GSTA3: variants seen among roughly 807,000 people sequenced by gnomAD.
GSTA3 encodes glutathione S-transferase alpha 3, also known as glutathione S-transferase A3.
A neutral mutation model predicts 23.1 loss-of-function variants in GSTA3; 16 were observed. The observed-to-expected ratio is 0.69, with a 90% CI of 0.47 to 1.05. GSTA3 has a LOEUF of 1.05. GSTA3 is among the 50% of genes least tolerant of loss of function. The pLI is 0.00. For synonymous variants in GSTA3, 122 were observed against 91.0 expected, an observed-to-expected ratio of 1.34 and a Z score of -1.94; for missense variants, 319 against 263.6, an observed-to-expected ratio of 1.21 and a Z score of -1.46.
At chr6:52,903,555 C>G in intron 3 of GSTA3, 121 bp downstream of exon 3, 1 of 543,240 alleles carries the variant, frequency 1.8e-6, no homozygotes, top group Admixed American at 2.9e-5. Flanking sequence ...CGAGATCATG[C>G]CACTGCACTC....
chr6:52,906,181 T>C (rs1208513226), intron 1 of GSTA3, among the ~76,000 whole-genome samples: 1 of 152,270 alleles, frequency 6.6e-6, no homozygotes, highest in East Asian at 1.9e-4. Context: ...CTATATGTTC[T>C]ATTGATATAT....
chr6:52,908,204 A>G (rs934393054), intron 1 of GSTA3, among the ~76,000 whole-genome samples: 1 of 148,678 alleles, frequency 6.7e-6, no homozygotes, highest in Non-Finnish European at 1.5e-5. Context: ...ACTGTTTTAG[A>G]CTACAGTAGC....
intron 1 of GSTA3, among the ~76,000 whole-genome samples, chr6:52,907,741 G>T (rs927713545): frequency 3.2e-4 from 47 of 148,500 alleles, no homozygotes; most frequent in African/African-American, 4.7e-4. Context: ...ACCAAACACC[G>T]CATGTTCTCA....
intron 5 of GSTA3, 92 bp from the exon 6 acceptor site, chr6:52,898,048 C>A: frequency 2.1e-6 from 3 of 1,399,728 alleles, no homozygotes; most frequent in South Asian, 2.4e-5. Flanking sequence ...GACATTCCCA[C>A]CTGTGTTGCC....
In GSTA3 at chr6:52,899,920, A is replaced by C. The variant is rs768615895; in HGVS notation, c.414+14T>G. 6.2e-7 allele frequency: 1 copy of C among 1,613,914 alleles called. No homozygotes were observed. Among genetic ancestry groups the C allele is most frequent in the Non-Finnish European group, 8.5e-7 (1 of 1,179,856 alleles). On this transcript the variant is annotated intron_variant, in intron 5 of 6. Coordinates refer to ENST00000211122, the MANE Select transcript of GSTA3 (RefSeq NM_000847.5). ...TAAACTCAGTGCCCCAAAATGCTGAACAGCTTCACCTACTTTTTCGAAGGC... is the reference window on the plus strand; with the variant it reads ...TAAACTCAGTGCCCCAAAATGCTGACCAGCTTCACCTACTTTTTCGAAGGC...
chr6:52,897,244 C>G (rs768659867), intron 6 of GSTA3, among the ~76,000 whole-genome samples: 2 of 152,218 alleles, frequency 1.3e-5, no homozygotes, highest in Non-Finnish European at 2.9e-5. Flanking sequence ...GATATCAACA[C>G]AGGTCAGTCT....
At chr6:52,903,624 T>C in intron 3 of GSTA3, 52 bp downstream of exon 3, 1 of 929,348 alleles carries the variant, frequency 1.1e-6, no homozygotes, top group Non-Finnish European at 1.7e-6. Context: ...TCTTCAGCGG[T>C]ACCTTCTCTA....
intron 4 of GSTA3, among the ~76,000 whole-genome samples, chr6:52,901,298 T>C (rs1765676516): frequency 6.6e-6 from 1 of 152,204 alleles, no homozygotes; most frequent in Non-Finnish European, 1.5e-5. Context: ...CCAAACCTTT[T>C]AGCTTCAGGC....
At chr6:52,901,564 A>G (rs1270805904) in intron 4 of GSTA3, among the ~76,000 whole-genome samples, 1 of 152,222 alleles carries the variant, frequency 6.6e-6, no homozygotes, top group Non-Finnish European at 1.5e-5. Context: ...TTTGAATACC[A>G]TGAAAATTGC....
chr6:52,897,762 A>G, intron 6 of GSTA3, 63 bp downstream of exon 6: 2 of 1,590,084 alleles, frequency 1.3e-6, no homozygotes, highest in Non-Finnish European at 1.7e-6. Flanking sequence ...CCAAGGGCCC[A>G]GATACTAGAT....
chr6:52,900,031 A>T lies in GSTA3; in HGVS notation c.317T>A (p.Ile106Asn). 6.2e-7 allele frequency: 1 copy of T among 1,613,100 alleles called. No homozygotes were observed. The highest frequency in any genetic ancestry group is 8.5e-7 in the Non-Finnish European group (1 of 1,179,130). Residue 106 changes from isoleucine (I) to asparagine (N), a missense_variant, in exon 5 of 7, where the codon ATC (isoleucine) becomes AAC (asparagine). Transcript: ENST00000211122. ...TEGMADLNEM[I>N]LLLPLCRPEE... ...AGGTCGACATAAGGGCAGAAGAAGG[A>T]TCATTTCATTCAAATCTGCCATACC... is the stretch of plus-strand genomic sequence containing the variant.
intron 5 of GSTA3, among the ~76,000 whole-genome samples, chr6:52,898,888 C>T (rs1445068144): frequency 6.6e-6 from 1 of 152,124 alleles, no homozygotes. Context: ...TGTGTCGTTC[C>T]CCTATTGGCT....
chr6:52,900,909 C>T (rs1765660034), intron 4 of GSTA3, among the ~76,000 whole-genome samples: 1 of 152,172 alleles, frequency 6.6e-6, no homozygotes, highest in Non-Finnish European at 1.5e-5. Flanking sequence ...AGCAGTTTTT[C>T]CAATTACTCC....
intron 4 of GSTA3, 135 bp from the exon 5 acceptor site, chr6:52,900,210 C>A: frequency 5.1e-6 from 3 of 589,390 alleles, no homozygotes; most frequent in South Asian, 2.8e-5. Context: ...ATATTCTAGT[C>A]ATTATGCTCT....
intron 2 of GSTA3, among the ~76,000 whole-genome samples, chr6:52,904,551 A>C (rs1765825693): frequency 6.6e-6 from 1 of 152,170 alleles, no homozygotes; most frequent in Non-Finnish European, 1.5e-5. Context: ...TCAGGTCCAC[A>C]CAGCGCTGTG....
At chr6:52,908,156 CTTTT>C (rs3063696) in intron 1 of GSTA3, among the ~76,000 whole-genome samples, 20 of 132,990 alleles carry the variant, frequency 1.5e-4, no homozygotes, top group African/African-American at 1.4e-4. Context: ...CAAGAGCAAT[CTTTT>C]TTTTTTTTTT....
intron 1 of GSTA3, among the ~76,000 whole-genome samples, chr6:52,908,842 G>T (rs1453329242): frequency 6.6e-6 from 1 of 152,118 alleles, no homozygotes; most frequent in Non-Finnish European, 1.5e-5. Context: ...TACCCTAAAA[G>T]TCCTATATAT....
At chr6:52,898,798 G>A (rs45486191) in intron 5 of GSTA3, among the ~76,000 whole-genome samples, 9,451 of 152,206 alleles carry the variant, frequency 0.062, 547 homozygotes, top group African/African-American at 0.16. Context: ...AACGGTGAGC[G>A]CACACTTGGA....
intron 4 of GSTA3, among the ~76,000 whole-genome samples, chr6:52,901,714 T>C (rs543956357): frequency 2.4e-3 from 364 of 152,328 alleles, no homozygotes; most frequent in Non-Finnish European, 4.4e-3. Context: ...CAGTTTCACA[T>C]AGGATGTTAT....
Sources: allele counts gnomAD v4.1 joint callset (sites outside exome capture counted in the v4.1 genomes callset), GRCh38; gene constraint gnomAD v4.1.1; transcripts MANE v1.5; gene names NCBI Gene and HGNC (gene_info 2026-07-23, HGNC 2026-07-21).